SRGAP2: variants seen among roughly 807,000 people sequenced by gnomAD.
The protein encoded by SRGAP2 is SLIT-ROBO Rho GTPase-activating protein 2.
A neutral mutation model predicts 57.2 loss-of-function variants in SRGAP2; 15 were observed. That is an observed-to-expected ratio of 0.26 (90% CI 0.18 to 0.40). The LOEUF is 0.40. Among genes scored for constraint, SRGAP2 ranks in the 10% least tolerant of loss-of-function variants. The pLI, the probability that SRGAP2 is intolerant of heterozygous loss-of-function variation, is 1.00. For synonymous variants in SRGAP2, 249 were observed against 248.0 expected, an observed-to-expected ratio of 1.00 and a Z score of -0.04; for missense variants, 520 against 669.6, an observed-to-expected ratio of 0.78 and a Z score of 2.47.
At chr1:206,257,337 A>ATTT (rs1163899818) in intron 2 of SRGAP2, among the ~76,000 whole-genome samples, 1 of 74,546 alleles carries the variant, frequency 1.3e-5, no homozygotes, top group Admixed American at 1.4e-4. Context: ...ACACACTGCT[A>ATTT]TTTTTTTTTT....
intron 4 of SRGAP2, among the ~76,000 whole-genome samples, chr1:206,347,936 G>A (rs531300625): frequency 2.2e-4 from 34 of 152,014 alleles, no homozygotes; most frequent in African/African-American, 8.2e-4. Flanking sequence ...TGTGCCCCCT[G>A]TAAGAGGGAA....
chr1:206,234,513 T>G (rs1397024119), intron 2 of SRGAP2, among the ~76,000 whole-genome samples: 1 of 152,184 alleles, frequency 6.6e-6, no homozygotes, highest in Non-Finnish European at 1.5e-5. Flanking sequence ...ACTGCCATCT[T>G]CTTTCCCCTA....
At chr1:206,253,614 C>T (rs1357940918) in intron 2 of SRGAP2, among the ~76,000 whole-genome samples, 2 of 122,816 alleles carry the variant, frequency 1.6e-5, no homozygotes, top group Non-Finnish European at 3.2e-5. Context: ...CTCACTCCGT[C>T]CCCCAGGCTG....
At chr1:206,283,160 G>A (rs1670827389) in intron 2 of SRGAP2, among the ~76,000 whole-genome samples, 1 of 152,076 alleles carries the variant, frequency 6.6e-6, no homozygotes, top group Non-Finnish European at 1.5e-5. Context: ...GCTCCTCTGC[G>A]AGCCCCTTGC....
intron 18 of SRGAP2, among the ~76,000 whole-genome samples, chr1:206,448,873 G>A (rs1049825406): frequency 1.3e-5 from 2 of 152,142 alleles, no homozygotes; most frequent in Non-Finnish European, 2.9e-5. Context: ...AGGAATCTCC[G>A]TTTATATTCT....
chr1:206,416,913 G>A (rs1659762754), intron 11 of SRGAP2, among the ~76,000 whole-genome samples: 1 of 152,104 alleles, frequency 6.6e-6, no homozygotes, highest in Admixed American at 6.5e-5. Context: ...AAATTCTTGA[G>A]CACTCTTTAG....
chr1:206,277,042 G>A (rs1670454876), intron 2 of SRGAP2, among the ~76,000 whole-genome samples: 1 of 151,858 alleles, frequency 6.6e-6, no homozygotes, highest in African/African-American at 2.4e-5. Context: ...TTGGCTCACG[G>A]CAACCTCTCC....
intron 2 of SRGAP2, among the ~76,000 whole-genome samples, chr1:206,255,710 TTGTC>T (rs1474549237): frequency 6.9e-6 from 1 of 145,080 alleles, no homozygotes; most frequent in Non-Finnish European, 1.5e-5. Context: ...TCTCTGGTGA[TTGTC>T]TGTATAGGGC....
chr1:206,227,116 G>A (rs1482019352), intron 2 of SRGAP2, among the ~76,000 whole-genome samples: 5 of 151,464 alleles, frequency 3.3e-5, no homozygotes, highest in African/African-American at 1.2e-4. Flanking sequence ...TACTGTACTC[G>A]CTATTTAACA....
chr1:206,397,252 A>T (rs1412694809), intron 7 of SRGAP2, among the ~76,000 whole-genome samples: 2 of 151,852 alleles, frequency 1.3e-5, no homozygotes, highest in African/African-American at 4.9e-5. Flanking sequence ...TGTTGTTTGC[A>T]TGTATCGGTA....
At chr1:206,393,522 G>C (rs782155879) in intron 6 of SRGAP2, 23 bp from the exon 7 acceptor site, 1 of 771,450 alleles carries the variant, frequency 1.3e-6, no homozygotes, top group South Asian at 1.4e-5. Flanking sequence ...AAAGGTAAAA[G>C]TGAACTTCTG....
At chr1:206,304,916 A>G (rs1173052463) in intron 3 of SRGAP2, among the ~76,000 whole-genome samples, 1 of 148,504 alleles carries the variant, frequency 6.7e-6, no homozygotes, top group Non-Finnish European at 1.5e-5. Context: ...GTGCACCATC[A>G]TACCCAGCTA....
At chr1:206,243,729 T>C (rs1384168303) in intron 2 of SRGAP2, among the ~76,000 whole-genome samples, 1 of 152,238 alleles carries the variant, frequency 6.6e-6, no homozygotes, top group Non-Finnish European at 1.5e-5. Context: ...GGAGACCATC[T>C]GGATCTACTC....
chr1:206,356,874 GTTTT>G (rs1277407523), intron 4 of SRGAP2, among the ~76,000 whole-genome samples: 1 of 143,436 alleles, frequency 7.0e-6, no homozygotes, highest in Non-Finnish European at 1.5e-5. Flanking sequence ...AGCCCTTGGG[GTTTT>G]TTGTTTTGTT....
At chr1:206,243,724 C>A (rs1668382693) in intron 2 of SRGAP2, among the ~76,000 whole-genome samples, 1 of 152,156 alleles carries the variant, frequency 6.6e-6, no homozygotes, top group African/African-American at 2.4e-5. Context: ...TCCATGGAGA[C>A]CATCTGGATC....
At position 206,307,908 on chromosome 1, in the gene SRGAP2, A is replaced by AG. The variant is rs1301884661; in HGVS notation, c.260+4443dup. 7.0e-3 allele frequency among the ~76,000 whole-genome samples: 1,057 copies of AG among 151,682 alleles called. 12 individuals are homozygous for AG. Among genetic ancestry groups the AG allele is most frequent in the African/African-American group, 0.024 (975 of 41,406 alleles). On this transcript the variant is annotated intron_variant, in intron 3 of 22. Coordinates refer to ENST00000573034, the MANE Select transcript of SRGAP2 (RefSeq NM_015326.5). ...GCCCAGAAAGGGGCTCCCACAGTGCAGGGGGGGGTGCTGAAGGGCTCCTCG... is the reference window on the plus strand; with the variant it reads ...GCCCAGAAAGGGGCTCCCACAGTGCAGGGGGGGGGTGCTGAAGGGCTCCTCG...
At chr1:206,433,534 G>C (rs570235015) in intron 14 of SRGAP2, among the ~76,000 whole-genome samples, 17 of 151,850 alleles carry the variant, frequency 1.1e-4, no homozygotes, top group Non-Finnish European at 1.9e-4. Context: ...CCATCTACTC[G>C]GGAGGCTGAG....
chr1:206,241,633 G>A (rs1553309222), intron 2 of SRGAP2, among the ~76,000 whole-genome samples: 5 of 151,788 alleles, frequency 3.3e-5, no homozygotes, highest in Admixed American at 6.6e-5. Context: ...GAAGCAGTAT[G>A]GTGCTTGGGT....
At chr1:206,294,699 A>G (rs1444979520) in intron 2 of SRGAP2, among the ~76,000 whole-genome samples, 1 of 144,696 alleles carries the variant, frequency 6.9e-6, no homozygotes, top group Non-Finnish European at 1.5e-5. Context: ...TCTACCATTC[A>G]GCTTGTATTG....
Sources: allele counts gnomAD v4.1 joint callset (sites outside exome capture counted in the v4.1 genomes callset), GRCh38; gene constraint gnomAD v4.1.1; transcripts MANE v1.5; gene names NCBI Gene and HGNC (gene_info 2026-07-23, HGNC 2026-07-21).